Variants in UBXN7 observed in about 807,000 individuals in gnomAD.
UBXN7 encodes the protein UBX domain-containing protein 7.
In UBXN7, 9 loss-of-function variants were observed where a neutral mutation model predicts 58.0. The observed-to-expected ratio is 0.16, with a 90% confidence interval of 0.09 to 0.27. The LOEUF (loss-of-function observed/expected upper bound fraction) is 0.27, where lower values mean the gene tolerates loss of function less well. UBXN7 is among the 10% of genes least tolerant of loss of function. The pLI is 1.00. For missense variants in UBXN7, 328 were observed against 599.6 expected, an observed-to-expected ratio of 0.55 and a Z score of 4.73; for synonymous variants, 208 against 205.0, an observed-to-expected ratio of 1.01 and a Z score of -0.12.
At chr3:196,388,056 A>G (rs1278601543) in intron 5 of UBXN7, among the ~76,000 whole-genome samples, 1 of 152,148 alleles carries the variant, frequency 6.6e-6, no homozygotes, top group Non-Finnish European at 1.5e-5. Context: ...ATGTCCATCA[A>G]TGATAGACTG....
chr3:196,421,241 C>T (rs1480696005), intron 1 of UBXN7, among the ~76,000 whole-genome samples: 1 of 152,154 alleles, frequency 6.6e-6, no homozygotes, highest in Non-Finnish European at 1.5e-5. Flanking sequence ...GGAAGTAGTG[C>T]TAATGGTGGG....
intron 10 of UBXN7, among the ~76,000 whole-genome samples, chr3:196,358,886 C>G (rs1029250528): frequency 6.6e-6 from 1 of 151,356 alleles, no homozygotes; most frequent in African/African-American, 2.4e-5. Context: ...GTCTCAAACT[C>G]CTGGACTCAA....
chr3:196,412,243 A>AAAAAAAG, intron 1 of UBXN7, among the ~76,000 whole-genome samples: 1 of 107,474 alleles, frequency 9.3e-6, no homozygotes, highest in Non-Finnish European at 2.0e-5. Context: ...AAAAAAAAAA[A>AAAAAAAG]AAAAAAGAAA....
chr3:196,432,388 G>C lies in UBXN7; in HGVS notation c.12C>G (p.His4Gln), dbSNP rs1409522202. 1.3e-6 allele frequency: 2 copies of C among 1,594,050 alleles called. No individual in the cohort carries two copies. The highest frequency in any genetic ancestry group is 8.6e-7 in the Non-Finnish European group (1 of 1,166,574). MAA[H>Q]GGSAASSALK... ...GCGCCGAGGACGCCGCGGAGCCCCC[G>C]TGGGCAGCCATCTTACCGCCGCCGC... The change falls in exon 1 of 11, where the codon CAC (histidine) becomes CAG (glutamine). Residue 4 changes from histidine to glutamine, a missense_variant. Physicochemically the swap from His to Gln is conservative, Grantham distance 24. Around this residue, in one of 4 missense-constraint regions of UBXN7, gnomAD observed 106 missense variants for 124.3 expected, o/e 0.85. Coordinates refer to ENST00000296328, the MANE Select transcript of UBXN7 (RefSeq NM_015562.2).
At chr3:196,432,212 G>C (rs761694651) in intron 1 of UBXN7, 115 bp downstream of exon 1, 25 of 1,418,074 alleles carry the variant, frequency 1.8e-5, no homozygotes, top group Non-Finnish European at 2.3e-5. Flanking sequence ...GAGGGAGGAC[G>C]GCAGCTGTGG....
intron 5 of UBXN7, among the ~76,000 whole-genome samples, chr3:196,388,363 G>C (rs1236324334): frequency 1.3e-5 from 2 of 151,398 alleles, no homozygotes. Flanking sequence ...TGAGTTGATG[G>C]GTGCAGCAAA....
intron 5 of UBXN7, among the ~76,000 whole-genome samples, chr3:196,384,418 G>GA (rs1445452782): frequency 1.3e-5 from 2 of 151,898 alleles, no homozygotes; most frequent in African/African-American, 2.4e-5. Flanking sequence ...CCAATCAACA[G>GA]AAAAAAAGGG....
rs1730040278 is a variant in UBXN7, at chr3:196,403,007, A to T, written c.234T>A (p.Arg78=). ...TTTCCTGCTTTTGAGGAATTGGGGC[A>T]CGAACTTCTTCTCTATTAAAAAAAA... The part of the protein sequence containing the change: ...TVRPHTEEEV[R]APIPQKQEIL... The change falls in exon 3 of 11, where the codon CGT becomes CGA. Residue 78 remains arginine, a synonymous_variant. Coordinates refer to ENST00000296328, the MANE Select transcript of UBXN7 (RefSeq NM_015562.2). The T allele has an allele frequency of 6.3e-7, 1 of 1,594,046 alleles. No homozygotes were observed. The highest frequency in any genetic ancestry group is 1.2e-5 in the South Asian group (1 of 86,200).
At chr3:196,389,183 T>C (rs913889123) in intron 5 of UBXN7, among the ~76,000 whole-genome samples, 1 of 152,156 alleles carries the variant, frequency 6.6e-6, no homozygotes, top group Non-Finnish European at 1.5e-5. Context: ...CTGCCTTTAA[T>C]ATTGCTGCTA....
chr3:196,373,415 T>C (rs1305743933), intron 5 of UBXN7, among the ~76,000 whole-genome samples: 1 of 152,182 alleles, frequency 6.6e-6, no homozygotes, highest in Non-Finnish European at 1.5e-5. Flanking sequence ...TGGAAAACAA[T>C]GGCAGAAAAG....
At chr3:196,385,651 G>A (rs79314165) in intron 5 of UBXN7, among the ~76,000 whole-genome samples, 11 of 151,678 alleles carry the variant, frequency 7.3e-5, no homozygotes, top group East Asian at 2.0e-4. Context: ...CTCTCTGACC[G>A]GCCGCCCCCT....
intron 1 of UBXN7, among the ~76,000 whole-genome samples, chr3:196,421,730 T>C (rs2108624895): frequency 6.6e-6 from 1 of 150,446 alleles, no homozygotes; most frequent in African/African-American, 2.4e-5. Context: ...TGAGCCAAGA[T>C]CGCACCACTG....
At chr3:196,405,469 CAA>C (rs57818110) in intron 2 of UBXN7, among the ~76,000 whole-genome samples, 30 of 116,898 alleles carry the variant, frequency 2.6e-4, no homozygotes, top group Admixed American at 4.3e-4. Flanking sequence ...GACTCCGTCT[CAA>C]AAAAAAAAAA....
At chr3:196,393,457 G>A in intron 4 of UBXN7, 97 bp downstream of exon 4, 1 of 1,169,296 alleles carries the variant, frequency 8.6e-7, no homozygotes, top group Non-Finnish European at 1.2e-6. Context: ...TTTAAAGAAG[G>A]TGAAAACTTA....
chr3:196,362,021 C>T, intron 9 of UBXN7, 98 bp from the exon 10 acceptor site: 2 of 1,230,326 alleles, frequency 1.6e-6, no homozygotes, highest in Non-Finnish European at 2.3e-6. Context: ...AGCCATTCAG[C>T]AATTACTCAA....
At chr3:196,376,832 G>A (rs1223865746) in intron 5 of UBXN7, among the ~76,000 whole-genome samples, 4 of 151,816 alleles carry the variant, frequency 2.6e-5, no homozygotes, top group Non-Finnish European at 5.9e-5. Context: ...AATCACTGGA[G>A]CTCAGGAGTT....
rs746656653 is a variant in UBXN7, at chr3:196,362,701, T to A, written c.835-14A>T. 5 of 1,578,034 alleles carry A rather than the reference T, an allele frequency of 3.2e-6. No homozygotes were observed. The South Asian group carries it at 5.7e-5, about 18-fold the overall frequency. On this transcript the variant is annotated splice_polypyrimidine_tract_variant and intron_variant, in intron 8 of 10. Coordinates refer to ENST00000296328, the MANE Select transcript of UBXN7 (RefSeq NM_015562.2). Reference sequence around the variant, plus strand: ...TATAAGGCTCTCCTGTGAGATGGAGTCATAAAACACAGGAAAAAGAACAAG... The same window carrying A: ...TATAAGGCTCTCCTGTGAGATGGAGACATAAAACACAGGAAAAAGAACAAG...
At chr3:196,417,756 A>ACC in intron 1 of UBXN7, among the ~76,000 whole-genome samples, 1 of 128,598 alleles carries the variant, frequency 7.8e-6, no homozygotes, top group East Asian at 2.2e-4. Flanking sequence ...AAAAAAAAAA[A>ACC]ACCATCTCTA....
At chr3:196,407,680 G>A (rs1169754768) in intron 1 of UBXN7, among the ~76,000 whole-genome samples, 1 of 151,870 alleles carries the variant, frequency 6.6e-6, no homozygotes, top group African/African-American at 2.4e-5. Flanking sequence ...TTATTTAAAT[G>A]GCCAAAGTAT....
Sources: allele counts gnomAD v4.1 joint callset (sites outside exome capture counted in the v4.1 genomes callset), GRCh38; gene constraint gnomAD v4.1.1; regional missense constraint gnomAD v4.1.1; transcripts MANE v1.5; gene names NCBI Gene and HGNC (gene_info 2026-07-23, HGNC 2026-07-21).